CDH8: variants seen among roughly 807,000 people sequenced by gnomAD.
CDH8 encodes cadherin-8.
In CDH8, 17 loss-of-function variants were observed where a neutral mutation model predicts 68.1. That is an observed-to-expected ratio of 0.25 (90% CI 0.17 to 0.37). The LOEUF (loss-of-function observed/expected upper bound fraction) is 0.37, where lower values mean the gene tolerates loss of function less well. CDH8 is among the 10% of genes least tolerant of loss of function. The pLI is 1.00. For synonymous variants in CDH8, 372 were observed against 365.1 expected (o/e 1.02, Z -0.21); for missense variants, 763 against 999.3 (o/e 0.76, Z 3.19).
intron 2 of CDH8, among the ~76,000 whole-genome samples, chr16:61,997,572 A>G (rs1965825914): frequency 6.6e-6 from 1 of 152,222 alleles, no homozygotes; most frequent in Non-Finnish European, 1.5e-5. Context: ...GAGAAATAGA[A>G]TTGTCAGAAA....
At chr16:62,003,441 T>G (rs964877667) in intron 2 of CDH8, among the ~76,000 whole-genome samples, 4 of 152,220 alleles carry the variant, frequency 2.6e-5, no homozygotes, top group Non-Finnish European at 4.4e-5. Flanking sequence ...CCTTACAAGA[T>G]GTTATAGATT....
At chr16:61,799,726 C>T (rs562293832) in intron 7 of CDH8, among the ~76,000 whole-genome samples, 43 of 152,000 alleles carry the variant, frequency 2.8e-4, no homozygotes, top group Non-Finnish European at 4.6e-4. Flanking sequence ...AAAGCATGCA[C>T]ACCAAAATTA....
At chr16:61,958,191 CAG>C (rs1218472541) in intron 2 of CDH8, among the ~76,000 whole-genome samples, 2 of 152,110 alleles carry the variant, frequency 1.3e-5, no homozygotes, top group Non-Finnish European at 2.9e-5. Flanking sequence ...CTGCATGAGA[CAG>C]GGAAAATTCC....
intron 8 of CDH8, among the ~76,000 whole-genome samples, chr16:61,753,717 G>A (rs958417249): frequency 6.6e-6 from 1 of 151,534 alleles, no homozygotes; most frequent in African/African-American, 2.4e-5. Context: ...AATTATAGTC[G>A]GTAAAAAAGT....
intron 1 of CDH8, among the ~76,000 whole-genome samples, chr16:62,033,560 A>T (rs1902378897): frequency 6.6e-6 from 1 of 152,254 alleles, no homozygotes; most frequent in Non-Finnish European, 1.5e-5. Context: ...AGAAGCACTG[A>T]TTTCTAACAG....
intron 4 of CDH8, among the ~76,000 whole-genome samples, chr16:61,844,329 T>C (rs1253811873): frequency 6.6e-6 from 1 of 151,362 alleles, no homozygotes; most frequent in Non-Finnish European, 1.5e-5. Flanking sequence ...TACCTAATGC[T>C]AAATGACGAG....
chr16:61,929,600 A>C (rs1011059102), intron 2 of CDH8, among the ~76,000 whole-genome samples: 5 of 152,186 alleles, frequency 3.3e-5, no homozygotes, highest in African/African-American at 4.8e-5. Context: ...CAACAAATTG[A>C]TACAAGACTG....
At chr16:61,948,830 T>C (rs1964841379) in intron 2 of CDH8, among the ~76,000 whole-genome samples, 1 of 152,240 alleles carries the variant, frequency 6.6e-6, no homozygotes, top group Non-Finnish European at 1.5e-5. Context: ...TGTAAAACTC[T>C]TCTTTCGAAT....
rs1269779651 is a variant in CDH8 at position 61,825,494 on chromosome 16, C to T, written c.668-315G>A. Among the ~76,000 whole-genome samples the T allele has an allele frequency of 3.9e-5, 6 of 151,976 alleles. No homozygotes were observed. In the South Asian group the frequency reaches 8.3e-4, roughly 21 times the overall value. Reference sequence around the variant, plus strand: ...TATAATGTATATCATAACACAGTCTCGTCCACCCCAGAAAACCCTGGGAGT... The same window carrying T: ...TATAATGTATATCATAACACAGTCTTGTCCACCCCAGAAAACCCTGGGAGT... On this transcript the variant is annotated intron_variant, in intron 4 of 11. Transcript: ENST00000577390.
Position 61,653,070 on chromosome 16 carries a change from A to C in CDH8, c.*538T>G. 7.4e-7 allele frequency: 1 copy of C among 1,345,192 alleles called. No homozygotes were observed. The highest frequency in any genetic ancestry group is 2.8e-5 in the East Asian group (1 of 36,180). 83.3% of individuals were successfully genotyped at this position (1,345,192 alleles called of 1,614,324 possible). A position where few individuals can be genotyped will look rare whatever the true frequency, so the allele number is the denominator to read the frequency against. On this transcript the variant is annotated 3_prime_UTR_variant, in exon 12 of 12. Transcript: ENST00000577390. ...CAACAATTATGTACAATGTGTGGTC[A>C]CCGTACTGTATAATCTAGGAGGCCT...
At chr16:61,802,116 T>C (rs1459824997) in intron 7 of CDH8, among the ~76,000 whole-genome samples, 1 of 136,446 alleles carries the variant, frequency 7.3e-6, no homozygotes, top group Non-Finnish European at 1.5e-5. Flanking sequence ...CAGCTGGAGA[T>C]CTGAGAACGG....
At chr16:61,980,624 C>T (rs1285828865) in intron 2 of CDH8, among the ~76,000 whole-genome samples, 18 of 152,100 alleles carry the variant, frequency 1.2e-4, no homozygotes, top group Non-Finnish European at 7.4e-5. Context: ...GGAATGCAAC[C>T]ACACCCACTT....
intron 8 of CDH8, among the ~76,000 whole-genome samples, chr16:61,732,149 A>G (rs1474103137): frequency 1.3e-5 from 2 of 151,664 alleles, no homozygotes; most frequent in East Asian, 3.9e-4. Context: ...ATATATGCAT[A>G]ATAGTAATGA....
intron 4 of CDH8, among the ~76,000 whole-genome samples, chr16:61,846,613 G>A (rs567979784): frequency 6.6e-6 from 1 of 152,184 alleles, no homozygotes; most frequent in East Asian, 1.9e-4. Flanking sequence ...AGAAAACCGA[G>A]CTCTGGAGTT....
At chr16:61,730,203 C>A (rs117820214) in intron 8 of CDH8, among the ~76,000 whole-genome samples, 3,535 of 151,534 alleles carry the variant, frequency 0.023, 69 homozygotes, top group Non-Finnish European at 0.035. Context: ...AAAGAATGAA[C>A]AAACTCCATC....
chr16:62,029,093 T>C (rs1385541193), intron 1 of CDH8, among the ~76,000 whole-genome samples: 2 of 152,186 alleles, frequency 1.3e-5, no homozygotes, highest in Admixed American at 6.5e-5. Context: ...ATAAGTCACC[T>C]GGGCACGTTT....
chr16:61,755,447 A>G (rs777823506), intron 8 of CDH8, among the ~76,000 whole-genome samples: 3 of 152,150 alleles, frequency 2.0e-5, no homozygotes, highest in Non-Finnish European at 2.9e-5. Context: ...GTGTATAAAC[A>G]TGTATTCATA....
rs546546318 is a variant in CDH8, at chr16:61,734,811, C to T, written c.1415-7596G>A. Among the ~76,000 whole-genome samples, 13 of 151,918 alleles carry T rather than the reference C, an allele frequency of 8.6e-5. No homozygotes were observed. In the South Asian group the frequency reaches 1.7e-3, roughly 19 times the overall value. ...AATTATGACTTTTTCTTTTCTTTTT[C>T]GTAAACTTGTTTATACTAGTTTCCT... On this transcript the variant is annotated intron_variant, in intron 8 of 11. Coordinates refer to ENST00000577390, the MANE Select transcript of CDH8 (RefSeq NM_001796.5).
intron 10 of CDH8, among the ~76,000 whole-genome samples, chr16:61,675,836 A>G (rs1963896838): frequency 6.6e-6 from 1 of 151,270 alleles, no homozygotes; most frequent in Admixed American, 6.6e-5. Flanking sequence ...ACTTGAAGTT[A>G]AAGTTTGATA....
Sources: gnomAD v4.1 joint callset for allele counts (sites outside exome capture counted in the v4.1 genomes callset) on GRCh38, gnomAD v4.1.1 for gene constraint, MANE v1.5 for transcripts, NCBI Gene and HGNC (gene_info 2026-07-23, HGNC 2026-07-21) for gene names.